MCTP1: variants seen among roughly 807,000 people sequenced by gnomAD.
MCTP1 encodes multiple C2 and transmembrane domain-containing protein 1.
MCTP1 carries 69 observed loss-of-function variants against 120.6 expected under a neutral mutation model. The ratio of observed to expected loss-of-function variants is 0.57; its 90% CI spans 0.47 to 0.70. The LOEUF is 0.70. Among genes scored for constraint, MCTP1 ranks in the 30% least tolerant of loss-of-function variants. MCTP1 has a pLI of 0.00. For missense variants in MCTP1, 1,203 were observed against 1,248.8 expected (o/e 0.96, Z 0.55); for synonymous variants, 529 against 493.1 (o/e 1.07, Z -0.96).
chr5:94,868,143 A>C, intron 17 of MCTP1, 190 bp downstream of exon 17: 1 of 414,410 alleles, frequency 2.4e-6, no homozygotes, highest in Non-Finnish European at 4.1e-6. Flanking sequence ...AGGGGGGAAA[A>C]TGTATTCTTA....
chr5:95,239,037 C>T (rs1181935694), intron 1 of MCTP1, among the ~76,000 whole-genome samples: 1 of 152,106 alleles, frequency 6.6e-6, no homozygotes, highest in Admixed American at 6.5e-5. Context: ...CTAACTGTAC[C>T]ACCCAAAACA....
At chr5:94,843,713 T>C (rs1425537473) in intron 17 of MCTP1, among the ~76,000 whole-genome samples, 2 of 152,128 alleles carry the variant, frequency 1.3e-5, no homozygotes, top group Admixed American at 6.6e-5. Flanking sequence ...TAGTCAATAC[T>C]AAAGCTAAAG....
At chr5:94,795,168 C>T (rs773414119) in intron 18 of MCTP1, among the ~76,000 whole-genome samples, 54 of 144,532 alleles carry the variant, frequency 3.7e-4, no homozygotes, top group Non-Finnish European at 7.0e-4. Context: ...AGACTTGATT[C>T]TCTTTTCTCA....
intron 12 of MCTP1, among the ~76,000 whole-genome samples, chr5:94,873,539 A>G (rs778145781): frequency 6.6e-6 from 1 of 152,022 alleles, no homozygotes; most frequent in Non-Finnish European, 1.5e-5. Context: ...ATAACCGGCA[A>G]TTATGATGGA....
At chr5:94,723,454 G>A (rs1033096231) in intron 19 of MCTP1, among the ~76,000 whole-genome samples, 1 of 152,136 alleles carries the variant, frequency 6.6e-6, no homozygotes, top group African/African-American at 2.4e-5. Flanking sequence ...TTTGTACCAG[G>A]TGACTCAGTG....
At chr5:94,772,149 C>T (rs1224596144) in intron 19 of MCTP1, among the ~76,000 whole-genome samples, 2 of 152,112 alleles carry the variant, frequency 1.3e-5, no homozygotes, top group Admixed American at 6.6e-5. Context: ...ACTTGATGAG[C>T]CTGTGGGGTT....
intron 10 of MCTP1, among the ~76,000 whole-genome samples, chr5:94,905,061 T>G (rs1806463817): frequency 6.6e-6 from 1 of 152,208 alleles, no homozygotes; most frequent in African/African-American, 2.4e-5. Context: ...AGGCTTGGTA[T>G]GGACGCCTCC....
intron 17 of MCTP1, among the ~76,000 whole-genome samples, chr5:94,864,411 T>C (rs987550): frequency 0.016 from 2,445 of 151,976 alleles, 48 homozygotes; most frequent in East Asian, 0.047. Flanking sequence ...ATAATGCACA[T>C]CTTAAGATGT....
At chr5:95,015,817 A>G (rs1836997947) in intron 2 of MCTP1, among the ~76,000 whole-genome samples, 1 of 152,046 alleles carries the variant, frequency 6.6e-6, no homozygotes. Flanking sequence ...ATATTTTATA[A>G]TTATAAACAA....
chr5:95,018,267 T>G (rs928138502), intron 1 of MCTP1, among the ~76,000 whole-genome samples: 1 of 152,118 alleles, frequency 6.6e-6, no homozygotes, highest in South Asian at 2.1e-4. Flanking sequence ...TCTCTGCCAC[T>G]CTATACAATA....
intron 1 of MCTP1, among the ~76,000 whole-genome samples, chr5:95,251,451 TATGAAAGA>T (rs1052145878): frequency 6.6e-6 from 1 of 152,106 alleles, no homozygotes; most frequent in Non-Finnish European, 1.5e-5. Context: ...CATGAGTCAT[TATGAAAGA>T]ATGAAAGAAA....
intron 2 of MCTP1, among the ~76,000 whole-genome samples, chr5:94,997,264 T>C (rs1233529315): frequency 2.0e-5 from 3 of 152,166 alleles, no homozygotes; most frequent in Non-Finnish European, 4.4e-5. Context: ...CTGACAAGTG[T>C]AGGAAAGAGC....
chr5:95,053,601 TTG>T (rs2152027483), intron 1 of MCTP1, among the ~76,000 whole-genome samples: 1 of 152,272 alleles, frequency 6.6e-6, no homozygotes, highest in African/African-American at 2.4e-5. Context: ...TCTATATTAT[TTG>T]TGTTAGAAAG....
intron 3 of MCTP1, among the ~76,000 whole-genome samples, chr5:94,951,165 C>T (rs1030580636): frequency 6.6e-6 from 1 of 152,078 alleles, no homozygotes; most frequent in Admixed American, 6.5e-5. Context: ...TGTCTATGCC[C>T]ATGTGTGCAC....
intron 1 of MCTP1, among the ~76,000 whole-genome samples, chr5:95,223,090 C>T (rs1753863005): frequency 6.6e-6 from 1 of 152,188 alleles, no homozygotes; most frequent in Admixed American, 6.5e-5. Flanking sequence ...CACTTACTTA[C>T]TTATTTACTC....
chr5:94,721,503 T>C lies in MCTP1; in HGVS notation c.2611-6617A>G, dbSNP rs188034939. On this transcript the variant is annotated intron_variant, in intron 19 of 22. Coordinates refer to ENST00000515393, the MANE Select transcript of MCTP1 (RefSeq NM_024717.7). ...TCAACTGCCAAAAGACAAAATAATA[T>C]GGTTTGTAATGTTGGTGCAGTTTTG... Among the ~76,000 whole-genome samples the C allele has an allele frequency of 3.2e-3, 485 of 152,290 alleles. 4 individuals carry two copies. Among genetic ancestry groups the C allele is most frequent in the South Asian group, 8.5e-3 (41 of 4,828 alleles).
chr5:95,082,052 G>A (rs1413202023), intron 1 of MCTP1, among the ~76,000 whole-genome samples: 1 of 152,036 alleles, frequency 6.6e-6, no homozygotes, highest in South Asian at 2.1e-4. Flanking sequence ...TAAAAACAAT[G>A]TGTAGAAAAA....
At chr5:94,816,570 T>C (rs912434094) in intron 17 of MCTP1, among the ~76,000 whole-genome samples, 6 of 152,156 alleles carry the variant, frequency 3.9e-5, no homozygotes, top group Non-Finnish European at 8.8e-5. Context: ...TAATTATAAC[T>C]AAGCATTTCT....
chr5:95,135,527 G>A (rs1202241938), intron 1 of MCTP1, among the ~76,000 whole-genome samples: 1 of 152,200 alleles, frequency 6.6e-6, no homozygotes, highest in Non-Finnish European at 1.5e-5. Flanking sequence ...GAGTCAGTGG[G>A]CTGGGGAAGG....
Sources: gnomAD v4.1 joint callset for allele counts (sites outside exome capture counted in the v4.1 genomes callset) on GRCh38, gnomAD v4.1.1 for gene constraint, MANE v1.5 for transcripts, NCBI Gene and HGNC (gene_info 2026-07-23, HGNC 2026-07-21) for gene names.